The following SHISAL2A variants were observed in gnomAD, a reference collection of about 807,000 sequenced individuals.
The protein encoded by SHISAL2A is shisa like 2A, also known as protein shisa-like-2A.
In SHISAL2A, 18 loss-of-function variants were observed where a neutral mutation model predicts 11.5. The ratio of observed to expected loss-of-function variants is 1.57; its 90% CI spans 1.08 to 2.33. The LOEUF (loss-of-function observed/expected upper bound fraction) is 2.33. Among genes scored for constraint, SHISAL2A ranks in the 30% most tolerant of loss-of-function variants. SHISAL2A has a pLI of 0.00. For synonymous variants in SHISAL2A, 94 were observed against 99.6 expected (o/e 0.94, Z 0.34); for missense variants, 261 against 250.9 (o/e 1.04, Z -0.27).
chr1:52,654,071 C>T (rs556398380), intron 2 of SHISAL2A, among the ~76,000 whole-genome samples: 2 of 152,170 alleles, frequency 1.3e-5, no homozygotes, highest in African/African-American at 4.8e-5. Flanking sequence ...GATCACCACA[C>T]CCTGTTAATT....
chr1:52,645,089 A>T (rs6588434), intron 2 of SHISAL2A, among the ~76,000 whole-genome samples: 6 of 151,892 alleles, frequency 4.0e-5, no homozygotes. Flanking sequence ...AGAAGGGGCA[A>T]GGTGGGTAGT....
chr1:52,657,859 A>AT (rs962730168), downstream of SHISAL2A, among the ~76,000 whole-genome samples: 3 of 152,116 alleles, frequency 2.0e-5, no homozygotes, highest in Admixed American at 6.6e-5. Context: ...AAAAAGAAGA[A>AT]GAATGAATGA....
At chr1:52,652,965 CAAAAAAAAAAAAAAA>C (rs36154490) in intron 2 of SHISAL2A, among the ~76,000 whole-genome samples, 10 of 22,370 alleles carry the variant, frequency 4.5e-4, no homozygotes, top group African/African-American at 1.5e-3. Context: ...GACTCTGTCT[CAAAAAAAAAAAAAAA>C]AAAAAAAAAA....
At chr1:52,646,916 G>A (rs185472737) in intron 2 of SHISAL2A, among the ~76,000 whole-genome samples, 3 of 152,182 alleles carry the variant, frequency 2.0e-5, no homozygotes, top group East Asian at 1.9e-4. Flanking sequence ...TGCCACTTCC[G>A]TCTCCCAGGT....
chr1:52,667,495 C>A, exon 5 of SHISAL2A: 1 of 489,996 alleles, frequency 2.0e-6, no homozygotes, highest in Non-Finnish European at 2.6e-6. Context: ...TCACCATCAC[C>A]ATCACCACCA....
intron 2 of SHISAL2A, among the ~76,000 whole-genome samples, chr1:52,653,449 G>A (rs1691717866): frequency 6.6e-6 from 1 of 151,854 alleles, no homozygotes. Flanking sequence ...GACAGAGCAA[G>A]ACTCTGTCTC....
At chr1:52,663,761 A>G (rs1401833549) in intron 4 of SHISAL2A, among the ~76,000 whole-genome samples, 1 of 150,414 alleles carries the variant, frequency 6.6e-6, no homozygotes, top group East Asian at 1.9e-4. Flanking sequence ...AACTGCGTCT[A>G]AAAAAAAAGA....
downstream of SHISAL2A, among the ~76,000 whole-genome samples, chr1:52,660,092 T>A (rs1042999205): frequency 4.6e-5 from 7 of 152,126 alleles, no homozygotes; most frequent in Non-Finnish European, 1.0e-4. Flanking sequence ...TTCTAACAAA[T>A]TCCAGGTGAT....
At chr1:52,647,560 T>G (rs1434008323) in intron 2 of SHISAL2A, among the ~76,000 whole-genome samples, 2 of 152,012 alleles carry the variant, frequency 1.3e-5, no homozygotes, top group African/African-American at 4.8e-5. Context: ...AAATGATACA[T>G]CCAGGCCAGG....
chr1:52,652,556 T>C (rs1691690977), intron 2 of SHISAL2A, among the ~76,000 whole-genome samples: 1 of 152,146 alleles, frequency 6.6e-6, no homozygotes, highest in Non-Finnish European at 1.5e-5. Context: ...GATTCTTGTA[T>C]TGAAGAGAAG....
chr1:52,633,566 G>A lies in SHISAL2A; in HGVS notation c.73G>A (p.Gly25Arg). Reference sequence around the variant, plus strand: ...GCGCGGCTTCAGCTGCCCGCGGCCGGGGGGCGAGGCGGCCGCTGTCTTCTG... The same window carrying A: ...GCGCGGCTTCAGCTGCCCGCGGCCGAGGGGCGAGGCGGCCGCTGTCTTCTG... ...VVRGFSCPRP[G>R]GEAAAVFCCG... is the part of the protein sequence containing the mutation. Residue 25 changes from glycine (G) to arginine (R), a missense_variant, in exon 1 of 3, where the codon GGG becomes AGG. Coordinates refer to ENST00000517870, the MANE Select transcript of SHISAL2A (RefSeq NM_001042693.3). This position sits in a 1 kb window ranked among gnomAD's most constrained non-coding sequence, Gnocchi z 6.4. 1.2e-6 allele frequency: 2 copies of A among 1,611,158 alleles called. No homozygotes were observed. Among genetic ancestry groups the A allele is most frequent in the Non-Finnish European group, 1.7e-6 (2 of 1,178,888 alleles).
At chr1:52,648,715 A>G (rs371499004) in intron 2 of SHISAL2A, among the ~76,000 whole-genome samples, 1 of 152,152 alleles carries the variant, frequency 6.6e-6, no homozygotes, top group African/African-American at 2.4e-5. Flanking sequence ...ATAGCTTGTG[A>G]TTGTGGAGCT....
At chr1:52,651,584 G>A (rs2149886806) in intron 2 of SHISAL2A, among the ~76,000 whole-genome samples, 1 of 151,870 alleles carries the variant, frequency 6.6e-6, no homozygotes, top group Non-Finnish European at 1.5e-5. Context: ...TCACCCTCTT[G>A]CCCAGGCTGG....
At chr1:52,664,251 C>T (rs1417518973) in intron 4 of SHISAL2A, among the ~76,000 whole-genome samples, 1 of 150,870 alleles carries the variant, frequency 6.6e-6, no homozygotes, top group East Asian at 1.9e-4. Context: ...AGTGCAGTGG[C>T]GCGATCTCCG....
intron 2 of SHISAL2A, among the ~76,000 whole-genome samples, chr1:52,644,874 G>A (rs1480486059): frequency 3.3e-5 from 5 of 151,340 alleles, no homozygotes; most frequent in Admixed American, 1.3e-4. Context: ...AAAATTAGCT[G>A]GGCTTGGTGG....
downstream of SHISAL2A, among the ~76,000 whole-genome samples, chr1:52,660,691 G>A (rs1691890859): frequency 6.6e-6 from 1 of 152,190 alleles, no homozygotes; most frequent in Admixed American, 6.5e-5. Flanking sequence ...ATTAGAGAAT[G>A]TTGAATCTTG....
intron 1 of SHISAL2A, among the ~76,000 whole-genome samples, chr1:52,641,416 A>G (rs1691361124): frequency 6.6e-6 from 1 of 152,156 alleles, no homozygotes; most frequent in Admixed American, 6.5e-5. Context: ...CTGCTGGAGA[A>G]TTGCTTGACG....
At chr1:52,644,842 C>T (rs1319627023) in intron 2 of SHISAL2A, among the ~76,000 whole-genome samples, 2 of 151,618 alleles carry the variant, frequency 1.3e-5, no homozygotes, top group East Asian at 3.9e-4. Flanking sequence ...GCGGTGAAAA[C>T]ATGTCTCTAC....
rs1691167602 is a variant in SHISAL2A, at chr1:52,633,322, G to T, written c.-172G>T. 1.7e-6 allele frequency: 1 copy of T among 601,186 alleles called. No homozygotes were observed. The highest frequency in any genetic ancestry group is 2.0e-5 in the African/African-American group (1 of 50,604). 37.2% of individuals were successfully genotyped at this position (601,186 alleles called of 1,614,324 possible). ...GGGCCGGGCACCTGGCCGCCGCTCG[G>T]TCCTCGGGGCCCCGCGCTGCTGTCT... On this transcript the variant is annotated 5_prime_UTR_variant, in exon 1 of 3. Transcript: ENST00000517870. This position sits in a 1 kb window ranked among gnomAD's most constrained non-coding sequence, Gnocchi z 6.4.
Sources: gnomAD v4.1 joint callset for allele counts (sites outside exome capture counted in the v4.1 genomes callset) on GRCh38, gnomAD v4.1.1 for gene constraint, Gnocchi (gnomAD v3.1) non-coding constraint, MANE v1.5 for transcripts, NCBI Gene and HGNC (gene_info 2026-07-23, HGNC 2026-07-21) for gene names.